Variants in CDC45 observed in about 807,000 individuals in gnomAD.
CDC45 encodes cell division cycle 45.
A neutral mutation model predicts 77.8 loss-of-function variants in CDC45; 54 were observed. The ratio of observed to expected loss-of-function variants is 0.69; its 90% CI spans 0.56 to 0.87. CDC45 has a LOEUF of 0.87. CDC45 is among the 40% of genes least tolerant of loss of function. The pLI, the probability that CDC45 is intolerant of heterozygous loss-of-function variation, is 0.00. For missense variants in CDC45, 649 were observed against 721.6 expected (o/e 0.90, Z 1.15); for synonymous variants, 260 against 272.1 (o/e 0.96, Z 0.44).
rs115918120 is a variant in CDC45, at chr22:19,495,523, A to G, written c.543-458A>G. ...ACGTTACACATATACATTCTGCTAA[A>G]GAGTCAATAAGTGGCCAGGTGTTGT... On this transcript the variant is annotated intron_variant, in intron 6 of 18. Coordinates refer to ENST00000263201, the MANE Select transcript of CDC45 (RefSeq NM_003504.5). Among the ~76,000 whole-genome samples the G allele has an allele frequency of 2.9e-3, 449 of 152,322 alleles. 1 individual carries two copies. Among genetic ancestry groups the G allele is most frequent in the African/African-American group, 0.01 (433 of 41,574 alleles).
chr22:19,507,954 C>CA (rs544647522), intron 12 of CDC45, 90 bp downstream of exon 12: 119 of 798,200 alleles, frequency 1.5e-4, no homozygotes, highest in Middle Eastern at 7.1e-4. Flanking sequence ...TAAAATAATG[C>CA]AAAAAAAACC....
Position 19,514,765 on chromosome 22 carries a change from C to T in CDC45, c.1234C>T (p.Leu412=). 1 of 1,611,476 alleles carries T rather than the reference C, an allele frequency of 6.2e-7. No homozygotes were observed. Among genetic ancestry groups the T allele is most frequent in the Non-Finnish European group, 8.5e-7 (1 of 1,178,628 alleles). ...DSLSRSNLDK[L]YHGLELAKKQ... ...CTGTTACAGGAGTAACCTGGACAAG[C>T]TGTACCATGGCCTGGAACTCGCCAA... is the stretch of plus-strand genomic sequence containing the variant. The change falls in exon 14 of 19, where the codon CTG becomes TTG. Residue 412 remains leucine (L), a synonymous_variant. Transcript: ENST00000263201.
intron 5 of CDC45, among the ~76,000 whole-genome samples, chr22:19,487,696 G>A (rs529124210): frequency 2.0e-5 from 3 of 151,902 alleles, no homozygotes; most frequent in Admixed American, 6.6e-5. Context: ...GGTGGATCAC[G>A]AGGTCAGGAG....
intron 8 of CDC45, among the ~76,000 whole-genome samples, 167 bp from the exon 9 acceptor site, chr22:19,498,934 T>C (rs1311894851): frequency 6.6e-6 from 1 of 152,150 alleles, no homozygotes; most frequent in Non-Finnish European, 1.5e-5. Flanking sequence ...CCTCTTCACC[T>C]CAAGGAGAGA....
Position 19,508,540 on chromosome 22 carries a change from A to C in CDC45, c.1066A>C (p.Met356Leu). 2 of 1,614,206 alleles carry C rather than the reference A, an allele frequency of 1.2e-6. No individual in the cohort carries two copies. Among genetic ancestry groups the C allele is most frequent in the Non-Finnish European group, 1.7e-6 (2 of 1,180,030 alleles). ...TTGCTCCCATGACAGGATGAAGGAC[A>C]TGCGCGTGCAGACTTTCAGCATTCA... ...ESANKFGMKD[M>L]RVQTFSIHFG... The change falls in exon 13 of 19, where the codon ATG becomes CTG. Residue 356 changes from methionine to leucine, a missense_variant. By Grantham distance (15) the Met-to-Leu change is conservative. Transcript: ENST00000263201.
chr22:19,480,422 G>C (rs944870673), intron 2 of CDC45, among the ~76,000 whole-genome samples: 1 of 152,154 alleles, frequency 6.6e-6, no homozygotes. Flanking sequence ...GTGGGATAAA[G>C]GATTAAGTAA....
intron 13 of CDC45, among the ~76,000 whole-genome samples, chr22:19,513,404 ATAGAT>A (rs1168110352): frequency 1.3e-5 from 2 of 152,230 alleles, no homozygotes; most frequent in Non-Finnish European, 2.9e-5. Flanking sequence ...ATGTGTAGTA[ATAGAT>A]TACTATCTGG....
In CDC45 at chr22:19,480,162, T is replaced by A. The variant is rs903777460; in HGVS notation, c.56T>A (p.Val19Asp). 19 of 1,613,944 alleles carry A rather than the reference T, an allele frequency of 1.2e-5. No individual in the cohort carries two copies. The highest frequency in any genetic ancestry group is 1.6e-5 in the Non-Finnish European group (19 of 1,179,922). The change falls in exon 2 of 19, where the codon GTC becomes GAC. Residue 19 changes from valine to aspartate, a missense_variant. Transcript: ENST00000263201. Reference protein sequence around the residue: ...EFYEVVQSQRVLLFVASDVDA... With the variant: ...EFYEVVQSQRDLLFVASDVDA... ...CGGTCTGCTCTTCCCCGATAGAGGG[T>A]CCTTCTCTTCGTGGCCTCGGACGTG...
chr22:19,496,912 T>C (rs2090252655), intron 7 of CDC45, among the ~76,000 whole-genome samples: 1 of 152,096 alleles, frequency 6.6e-6, no homozygotes, highest in Admixed American at 6.6e-5. Flanking sequence ...ATTCAAATAA[T>C]TGGACCCAGG....
At chr22:19,513,104 C>T (rs1933603766) in intron 13 of CDC45, among the ~76,000 whole-genome samples, 1 of 152,212 alleles carries the variant, frequency 6.6e-6, no homozygotes, top group Admixed American at 6.5e-5. Flanking sequence ...GGTCTGCACC[C>T]ATGACCCAAC....
chr22:19,490,155 C>T (rs924653176), intron 5 of CDC45, among the ~76,000 whole-genome samples: 1 of 152,074 alleles, frequency 6.6e-6, no homozygotes, highest in African/African-American at 2.4e-5. Flanking sequence ...TTCATTCTGC[C>T]TATATTGTTA....
At position 19,480,182 on chromosome 22, in the gene CDC45, GA is replaced by G; in HGVS notation, c.77del (p.Asp26AlafsTer50). 1 of 1,614,032 alleles carries G rather than the reference GA, an allele frequency of 6.2e-7. No individual in the cohort carries two copies. Among genetic ancestry groups the G allele is most frequent in the Non-Finnish European group, 8.5e-7 (1 of 1,179,962 alleles). On this transcript the variant is annotated frameshift_variant, in exon 2 of 19. Coordinates refer to ENST00000263201, the MANE Select transcript of CDC45 (RefSeq NM_003504.5). LOFTEE classifies it high-confidence loss of function. ...SQRVLLFVASDVDALCACKIL... is the reference protein window; with the variant it reads ...SQRVLLFVASXVDALCACKIL... Reference sequence around the variant, plus strand: ...GAGGGTCCTTCTCTTCGTGGCCTCGGACGTGGATGCTCTGTGTGCGTGCAAG... The same window carrying G: ...GAGGGTCCTTCTCTTCGTGGCCTCGGCGTGGATGCTCTGTGTGCGTGCAAG...
intron 2 of CDC45, 96 bp from the exon 3 acceptor site, chr22:19,480,855 CTT>C (rs2089968747): frequency 1.4e-6 from 1 of 725,672 alleles, no homozygotes; most frequent in Non-Finnish European, 2.4e-6. Context: ...TATCCCGTGT[CTT>C]TTGTCTCTCA....
upstream of CDC45, chr22:19,479,521 T>C (rs13447178): frequency 8.6e-4 from 489 of 569,618 alleles, 2 homozygotes; most frequent in African/African-American, 8.4e-3. Flanking sequence ...TACAAATCCT[T>C]CTTCAAACCA....
In CDC45 at chr22:19,479,923, C is replaced by G. The variant is rs1009560085; in HGVS notation, c.-46C>G. 9.3e-6 allele frequency: 15 copies of G among 1,608,222 alleles called. No individual in the cohort carries two copies. The highest frequency in any genetic ancestry group is 4.5e-5 in the East Asian group (2 of 44,866). On this transcript the variant is annotated 5_prime_UTR_variant, in exon 1 of 19. Transcript: ENST00000263201. The stretch of plus-strand genomic sequence containing the variant: ...GGCGGGAGTCTTGACCGCCGCCGGG[C>G]TCTTGGTACCTCAGCGCGAGCGCCA...
At chr22:19,484,054 A>G in intron 5 of CDC45, 49 bp downstream of exon 5, 1 of 1,538,942 alleles carries the variant, frequency 6.5e-7, no homozygotes, top group South Asian at 1.2e-5. Context: ...GCACTCCCAG[A>G]GGTCGGAGGT....
chr22:19,479,962 C>A lies in CDC45; in HGVS notation c.-7C>A, dbSNP rs535099250. ...GCGCGAGCGCCAGGCGTCCGGCCGCCGTGGCTATGTTCGTGTCCGATTTCC... is the reference window on the plus strand; with the variant it reads ...GCGCGAGCGCCAGGCGTCCGGCCGCAGTGGCTATGTTCGTGTCCGATTTCC... On this transcript the variant is annotated 5_prime_UTR_variant, in exon 1 of 19. Transcript: ENST00000263201. 2.5e-6 allele frequency: 4 copies of A among 1,613,194 alleles called. No individual in the cohort carries two copies. The highest frequency in any genetic ancestry group is 3.4e-6 in the Non-Finnish European group (4 of 1,180,018).
intron 8 of CDC45, among the ~76,000 whole-genome samples, chr22:19,498,391 A>G (rs1028596761): frequency 1.1e-4 from 16 of 152,222 alleles, no homozygotes; most frequent in Non-Finnish European, 1.9e-4. Flanking sequence ...GCAAAATTTG[A>G]TGTAGGAAGA....
In CDC45 at chr22:19,507,481, G is replaced by A; in HGVS notation, c.920G>A (p.Gly307Glu). The A allele has an allele frequency of 1.2e-6, 2 of 1,614,192 alleles. No individual in the cohort carries two copies. Among genetic ancestry groups the A allele is most frequent in the Non-Finnish European group, 1.7e-6 (2 of 1,180,026 alleles). ...AGGTTCAAGCTGTGGTCTGTGCATGGACAGAAGCGGCTCCAGGAGTTCCTT... is the reference window on the plus strand; with the variant it reads ...AGGTTCAAGCTGTGGTCTGTGCATGAACAGAAGCGGCTCCAGGAGTTCCTT... ...AARFKLWSVH[G>E]QKRLQEFLAD... is the part of the protein sequence containing the mutation. The change falls in exon 11 of 19, where the codon GGA becomes GAA. Residue 307 changes from glycine (G) to glutamate (E), a missense_variant. Gly to Glu is a moderately conservative substitution (Grantham distance 98, BLOSUM62 -2). Coordinates refer to ENST00000263201, the MANE Select transcript of CDC45 (RefSeq NM_003504.5).
Sources: gnomAD v4.1 joint callset for allele counts (sites outside exome capture counted in the v4.1 genomes callset) on GRCh38, gnomAD v4.1.1 for gene constraint, MANE v1.5 for transcripts, NCBI Gene and HGNC (gene_info 2026-07-23, HGNC 2026-07-21) for gene names.